RIMKLA: variants seen among roughly 807,000 people sequenced by gnomAD.
RIMKLA encodes the protein N-acetylaspartylglutamate synthase A.
A neutral mutation model predicts 32.7 loss-of-function variants in RIMKLA; 14 were observed. The observed-to-expected ratio is 0.43, with a 90% confidence interval of 0.28 to 0.67. The LOEUF (loss-of-function observed/expected upper bound fraction) is 0.67. Ranked by LOEUF, RIMKLA falls within the 30% of genes least tolerant of loss-of-function variation. RIMKLA has a pLI of 0.18. For missense variants in RIMKLA, 410 were observed against 519.0 expected (o/e 0.79, Z 2.04); for synonymous variants, 176 against 204.1 (o/e 0.86, Z 1.18).
At position 42,417,954 on chromosome 1, in the gene RIMKLA, CCA is replaced by C. The variant is rs1643264067; in HGVS notation, c.*2985_*2986del. ...CCGTCTCAAAAAAAAAAAAAAAAAG[CCA>C]CACATTCTTGGCATTAGCACACCAA... On this transcript the variant is annotated 3_prime_UTR_variant, in exon 5 of 5. Transcript: ENST00000431473. 1 of 142,526 alleles carries C rather than the reference CCA, an allele frequency of 7.0e-6. No homozygotes were observed. The highest frequency in any genetic ancestry group is 2.3e-4 in the South Asian group (1 of 4,320). 8.8% of individuals were successfully genotyped at this position (142,526 alleles called of 1,614,324 possible).
rs1642882583 is a variant in RIMKLA at position 42,381,052 on chromosome 1, G to C, written c.118G>C (p.Val40Leu). Residue 40 changes from valine (V) to leucine (L), a missense_variant, in exon 1 of 5, where the codon GTG (valine) becomes CTG (leucine). By Grantham distance (32) the Val-to-Leu change is conservative (BLOSUM62 1). Coordinates refer to ENST00000431473, the MANE Select transcript of RIMKLA (RefSeq NM_173642.4). Reference protein sequence around the residue: ...CSEQDVRFRAVLMDQIAVTIV... With the variant: ...CSEQDVRFRALLMDQIAVTIV... ...CGAGCAGGACGTGCGCTTCCGGGCG[G>C]TGCTTATGGACCAGATCGCCGTCAC... 7.5e-7 allele frequency: 1 copy of C among 1,325,994 alleles called. No individual in the cohort carries two copies. The highest frequency in any genetic ancestry group is 9.7e-7 in the Non-Finnish European group (1 of 1,034,972). 82.1% of individuals were successfully genotyped at this position (1,325,994 alleles called of 1,614,324 possible).
rs1418830473 is a variant in RIMKLA at position 42,421,641 on chromosome 1, C to T, written c.*6667C>T. 1.3e-5 allele frequency: 2 copies of T among 152,184 alleles called. No individual in the cohort carries two copies. The highest frequency in any genetic ancestry group is 4.8e-5 in the African/African-American group (2 of 41,412). 9.4% of individuals were successfully genotyped at this position (152,184 alleles called of 1,614,324 possible). A position where few individuals can be genotyped will look rare whatever the true frequency, so the allele number is the denominator to read the frequency against. ...TGTGGAGGCAGGACTAGGCGGGTGCCTGGTTTGCTTAGTCCCACCTTGAGG... is the reference window on the plus strand; with the variant it reads ...TGTGGAGGCAGGACTAGGCGGGTGCTTGGTTTGCTTAGTCCCACCTTGAGG... On this transcript the variant is annotated 3_prime_UTR_variant, in exon 5 of 5. Transcript: ENST00000431473. The surrounding 1 kb of genome is among the most constrained non-coding windows in gnomAD (Gnocchi z 4.6).
chr1:42,414,414 C>G (rs770128201), intron 4 of RIMKLA, 70 bp from the exon 5 acceptor site: 469 of 1,521,780 alleles, frequency 3.1e-4, no homozygotes, highest in Non-Finnish European at 4.1e-4. Flanking sequence ...TGGGCAGATC[C>G]CTGTCTCTTC....
chr1:42,408,478 G>A (rs1047018822), intron 3 of RIMKLA, among the ~76,000 whole-genome samples: 3 of 152,170 alleles, frequency 2.0e-5, no homozygotes, highest in Non-Finnish European at 4.4e-5. Context: ...GGAGTTCAAT[G>A]GCGCGATCTT....
chr1:42,399,740 A>G (rs1643080996), intron 2 of RIMKLA, 106 bp downstream of exon 2: 1 of 710,782 alleles, frequency 1.4e-6, no homozygotes, highest in African/African-American at 1.8e-5. Context: ...TGTTGATTCA[A>G]CATCTTGGCC....
At chr1:42,392,159 G>T (rs1375494776) in intron 1 of RIMKLA, among the ~76,000 whole-genome samples, 1 of 152,122 alleles carries the variant, frequency 6.6e-6, no homozygotes, top group African/African-American at 2.4e-5. Flanking sequence ...GAGGCATGAG[G>T]TGTCAACATT....
At chr1:42,385,840 CTTT>C (rs772627841) in intron 1 of RIMKLA, among the ~76,000 whole-genome samples, 2 of 64,616 alleles carry the variant, frequency 3.1e-5, no homozygotes, top group Non-Finnish European at 7.2e-5. Context: ...TTCTTTCTTT[CTTT>C]CTCTTTCTTT....
chr1:42,414,387 T>G (rs1014823276), intron 4 of RIMKLA, 97 bp from the exon 5 acceptor site: 1 of 1,299,386 alleles, frequency 7.7e-7, no homozygotes, highest in African/African-American at 1.5e-5. Flanking sequence ...TGATCGAGCC[T>G]CTCTTTCTGC....
At chr1:42,386,802 T>C (rs1642952418) in intron 1 of RIMKLA, among the ~76,000 whole-genome samples, 1 of 151,666 alleles carries the variant, frequency 6.6e-6, no homozygotes, top group Non-Finnish European at 1.5e-5. Context: ...GGAGAATCAC[T>C]TGAACCTGGG....
At chr1:42,402,288 C>T (rs771802543) in intron 2 of RIMKLA, among the ~76,000 whole-genome samples, 2 of 152,156 alleles carry the variant, frequency 1.3e-5, no homozygotes, top group Non-Finnish European at 2.9e-5. Context: ...ATTAAGACAG[C>T]AGATGGAGTT....
At chr1:42,391,431 A>C (rs1642999366) in intron 1 of RIMKLA, among the ~76,000 whole-genome samples, 1 of 152,036 alleles carries the variant, frequency 6.6e-6, no homozygotes, top group Non-Finnish European at 1.5e-5. Context: ...TGCAATCAGG[A>C]GCGAGGAGGA....
intron 2 of RIMKLA, among the ~76,000 whole-genome samples, chr1:42,403,962 C>G (rs1326245236): frequency 6.6e-6 from 1 of 152,228 alleles, no homozygotes; most frequent in Admixed American, 6.5e-5. Context: ...TCCTCCGCTC[C>G]CTGCCACATG....
rs1214791844 is a variant in RIMKLA at position 42,409,918 on chromosome 1, C to G, written c.482-66C>G. The stretch of plus-strand genomic sequence containing the variant: ...ACTGATGACTTTATGGACAAGGAGG[C>G]CAGATGGCAAGTACAGAGTCCAGAG... On this transcript the variant is annotated intron_variant, in intron 3 of 4. Transcript: ENST00000431473. The G allele has an allele frequency of 4.8e-6, 6 of 1,256,942 alleles. No individual in the cohort carries two copies. In the African/African-American group the frequency reaches 8.9e-5, roughly 19 times the overall value. The allele number at this position is 1,256,942 out of a possible 1,614,324, so 77.9% of individuals were successfully genotyped here.
Position 42,415,664 on chromosome 1 carries a change from T to C in RIMKLA, c.*690T>C, listed in dbSNP as rs1643240394. ...CTGAATTTATAGACCCTGCTTCAAC[T>C]AACGTCAGCTCTAGCAGCTTCTTGC... is the stretch of plus-strand genomic sequence containing the variant. On this transcript the variant is annotated 3_prime_UTR_variant, in exon 5 of 5. Coordinates refer to ENST00000431473, the MANE Select transcript of RIMKLA (RefSeq NM_173642.4). 6.6e-6 allele frequency: 1 copy of C among 152,242 alleles called. No homozygotes were observed. Among genetic ancestry groups the C allele is most frequent in the Non-Finnish European group, 1.5e-5 (1 of 68,050 alleles). The allele number at this position is 152,242 out of a possible 1,614,324, so 9.4% of individuals were successfully genotyped here.
chr1:42,398,749 T>C (rs1441201005), intron 1 of RIMKLA, among the ~76,000 whole-genome samples: 1 of 152,094 alleles, frequency 6.6e-6, no homozygotes, highest in Non-Finnish European at 1.5e-5. Flanking sequence ...AGTGAACTGC[T>C]TGAGCTCAGG....
At chr1:42,392,541 C>G (rs1273455078) in intron 1 of RIMKLA, among the ~76,000 whole-genome samples, 1 of 152,170 alleles carries the variant, frequency 6.6e-6, no homozygotes. Flanking sequence ...CTACCAGCAC[C>G]TGCACCTGTT....
chr1:42,414,504 C>T lies in RIMKLA; in HGVS notation c.706C>T (p.Pro236Ser), dbSNP rs1381747595. The stretch of plus-strand genomic sequence containing the variant: ...CACAGGTGGCGTGGGCGTCAAGTGT[C>T]CGCTGACAGAACAAGGCAAGCAGTT... ...CSLGGVGVKC[P>S]LTEQGKQLAI... Residue 236 changes from proline to serine, a missense_variant, in exon 5 of 5, where the codon CCG becomes TCG. By Grantham distance (74) the Pro-to-Ser change is moderately conservative. Transcript: ENST00000431473. The T allele has an allele frequency of 7.4e-6, 12 of 1,614,102 alleles. No individual in the cohort carries two copies. Among genetic ancestry groups the T allele is most frequent in the Non-Finnish European group, 1.0e-5 (12 of 1,179,950 alleles).
intron 1 of RIMKLA, among the ~76,000 whole-genome samples, chr1:42,390,334 A>G (rs1206059645): frequency 6.6e-6 from 1 of 152,166 alleles, no homozygotes; most frequent in Non-Finnish European, 1.5e-5. Context: ...CACCGTGCCC[A>G]GCTGAGAGGC....
Position 42,421,165 on chromosome 1 carries a change from A to T in RIMKLA, c.*6191A>T, listed in dbSNP as rs563496229. 3 of 152,356 alleles carry T rather than the reference A, an allele frequency of 2.0e-5. No homozygotes were observed. In the South Asian group the frequency reaches 6.2e-4, roughly 32 times the overall value. The allele number at this position is 152,356 out of a possible 1,614,324, so 9.4% of individuals were successfully genotyped here. ...ATGACGCTATGTGCAAGATCTAGCGAACGTATTTGGCTAAGAAAAATCCTG... is the reference window on the plus strand; with the variant it reads ...ATGACGCTATGTGCAAGATCTAGCGTACGTATTTGGCTAAGAAAAATCCTG... On this transcript the variant is annotated 3_prime_UTR_variant, in exon 5 of 5. Coordinates refer to ENST00000431473, the MANE Select transcript of RIMKLA (RefSeq NM_173642.4). This position sits in a 1 kb window ranked among gnomAD's most constrained non-coding sequence, Gnocchi z 4.6.
Sources: allele counts gnomAD v4.1 joint callset (sites outside exome capture counted in the v4.1 genomes callset), GRCh38; gene constraint gnomAD v4.1.1; non-coding constraint Gnocchi (gnomAD v3.1); transcripts MANE v1.5; gene names NCBI Gene and HGNC (gene_info 2026-07-23, HGNC 2026-07-21).